Variants in CDKAL1 observed in about 807,000 individuals in gnomAD.
CDKAL1 encodes CDKAL1 threonylcarbamoyladenosine tRNA methylthiotransferase.
In CDKAL1, 32 loss-of-function variants were observed where a neutral mutation model predicts 68.2. The ratio of observed to expected loss-of-function variants is 0.47; its 90% CI spans 0.35 to 0.63. The LOEUF (loss-of-function observed/expected upper bound fraction) is 0.63, where lower values mean the gene tolerates loss of function less well. Ranked by LOEUF, CDKAL1 falls within the 30% of genes least tolerant of loss-of-function variation. The pLI, the probability that CDKAL1 is intolerant of heterozygous loss-of-function variation, is 0.00. For missense variants in CDKAL1, 606 were observed against 696.7 expected, an observed-to-expected ratio of 0.87 and a Z score of 1.47; for synonymous variants, 234 against 244.3, an observed-to-expected ratio of 0.96 and a Z score of 0.39.
intron 11 of CDKAL1, among the ~76,000 whole-genome samples, chr6:21,034,359 T>G (rs1210944112): frequency 6.6e-6 from 1 of 152,196 alleles, no homozygotes. Flanking sequence ...CTGTAACTTT[T>G]ATGAGTTCCA....
Position 20,843,456 on chromosome 6 carries a change from AT to A in CDKAL1, c.639-2609del, listed in dbSNP as rs543410407. On this transcript the variant is annotated intron_variant, in intron 8 of 15. Coordinates refer to ENST00000274695, the MANE Select transcript of CDKAL1 (RefSeq NM_017774.3). ...CAGCATTTCAGATAAGGGATTTTGA[AT>A]TTTTTTTTTCTTCAGTTTTTGTAAT... Among the ~76,000 whole-genome samples the A allele has an allele frequency of 2.9e-3, 440 of 150,066 alleles. 1 individual carries two copies. Among genetic ancestry groups the A allele is most frequent in the Admixed American group, 4.6e-3 (69 of 15,056 alleles).
At chr6:21,153,158 A>G (rs1410209431) in intron 13 of CDKAL1, among the ~76,000 whole-genome samples, 1 of 151,448 alleles carries the variant, frequency 6.6e-6, no homozygotes, top group Non-Finnish European at 1.5e-5. Context: ...GTTTTTTCTA[A>G]TAGTGTTTTG....
intron 5 of CDKAL1, among the ~76,000 whole-genome samples, chr6:20,689,967 T>TC (rs1770797608): frequency 6.6e-6 from 1 of 152,218 alleles, no homozygotes; most frequent in Non-Finnish European, 1.5e-5. Context: ...ATTTTTAAAA[T>TC]CATTTTGCCT....
At chr6:21,122,262 C>T (rs185269748) in intron 13 of CDKAL1, among the ~76,000 whole-genome samples, 158 of 152,284 alleles carry the variant, frequency 1.0e-3, no homozygotes, top group African/African-American at 3.7e-3. Flanking sequence ...ATCACGTGGT[C>T]TTGGACTATT....
intron 8 of CDKAL1, among the ~76,000 whole-genome samples, chr6:20,826,824 A>G (rs1210321153): frequency 6.6e-6 from 1 of 152,144 alleles, no homozygotes; most frequent in Non-Finnish European, 1.5e-5. Context: ...TTTGGTGAGC[A>G]AACTACCAGT....
At chr6:20,553,941 T>A (rs553705635) in intron 4 of CDKAL1, among the ~76,000 whole-genome samples, 2 of 151,584 alleles carry the variant, frequency 1.3e-5, no homozygotes, top group African/African-American at 4.8e-5. Context: ...TGCCTCAGCC[T>A]CCTGAGTAGC....
intron 9 of CDKAL1, among the ~76,000 whole-genome samples, chr6:20,946,304 C>G (rs962118879): frequency 6.6e-6 from 1 of 152,180 alleles, no homozygotes; most frequent in Non-Finnish European, 1.5e-5. Context: ...TGTGTCTTTG[C>G]ACTTATATTC....
intron 5 of CDKAL1, among the ~76,000 whole-genome samples, chr6:20,654,579 T>G (rs1370116455): frequency 6.6e-6 from 1 of 152,216 alleles, no homozygotes; most frequent in East Asian, 1.9e-4. Flanking sequence ...TGGTTTTACC[T>G]TTTACATTTA....
intron 5 of CDKAL1, among the ~76,000 whole-genome samples, chr6:20,668,561 T>G (rs1769660000): frequency 6.6e-6 from 1 of 152,224 alleles, no homozygotes; most frequent in South Asian, 2.1e-4. Context: ...AGTTTTTAAC[T>G]TGTGTCTTGA....
rs573362957 is a variant in CDKAL1 at position 20,623,708 on chromosome 6, G to A, written c.287-25585G>A. Among the ~76,000 whole-genome samples the A allele has an allele frequency of 7.2e-5, 11 of 152,198 alleles. No homozygotes were observed. In the South Asian group the frequency reaches 2.3e-3, roughly 32 times the overall value. ...ATGGTTTCTGAAATAAAGAAAAATA[G>A]CAGTATGCAGTAGACCTTTATTTTA... On this transcript the variant is annotated intron_variant, in intron 4 of 15. Coordinates refer to ENST00000274695, the MANE Select transcript of CDKAL1 (RefSeq NM_017774.3).
intron 5 of CDKAL1, among the ~76,000 whole-genome samples, chr6:20,708,507 C>T (rs1272042235): frequency 1.3e-5 from 2 of 152,162 alleles, no homozygotes; most frequent in African/African-American, 4.8e-5. Flanking sequence ...TTTGGCAAGT[C>T]ACTTGTGGTT....
At chr6:20,975,153 C>G (rs10498699) in intron 10 of CDKAL1, among the ~76,000 whole-genome samples, 14,562 of 152,000 alleles carry the variant, frequency 0.096, 1,192 homozygotes, top group African/African-American at 0.23. Flanking sequence ...GGAAAAATAC[C>G]AAATTAGAGC....
At chr6:20,747,088 T>C (rs902932766) in intron 6 of CDKAL1, among the ~76,000 whole-genome samples, 1 of 152,176 alleles carries the variant, frequency 6.6e-6, no homozygotes, top group Non-Finnish European at 1.5e-5. Flanking sequence ...ATTGAAATCA[T>C]GCATTTTTTT....
intron 13 of CDKAL1, among the ~76,000 whole-genome samples, chr6:21,150,041 T>A (rs1776339430): frequency 6.6e-6 from 1 of 151,978 alleles, no homozygotes; most frequent in Non-Finnish European, 1.5e-5. Context: ...GTATTTTTAG[T>A]AGAGATGGGG....
intron 5 of CDKAL1, among the ~76,000 whole-genome samples, chr6:20,659,586 C>T (rs1431537022): frequency 6.6e-6 from 1 of 152,192 alleles, no homozygotes; most frequent in Non-Finnish European, 1.5e-5. Context: ...CATTTGTCAT[C>T]TCCTTCCACT....
intron 4 of CDKAL1, among the ~76,000 whole-genome samples, chr6:20,620,533 C>T (rs972412030): frequency 6.6e-6 from 1 of 152,170 alleles, no homozygotes; most frequent in African/African-American, 2.4e-5. Context: ...TAATGCCACA[C>T]AGCTAATATA....
intron 5 of CDKAL1, among the ~76,000 whole-genome samples, chr6:20,680,660 T>G (rs1420498291): frequency 6.6e-6 from 1 of 152,196 alleles, no homozygotes; most frequent in South Asian, 2.1e-4. Flanking sequence ...GAATGTTATC[T>G]CCCTCTGTCT....
At chr6:20,557,038 T>TC (rs1764072802) in intron 4 of CDKAL1, among the ~76,000 whole-genome samples, 1 of 38,304 alleles carries the variant, frequency 2.6e-5, no homozygotes. Context: ...CGAGTCTCCA[T>TC]CTCAAAAAAA....
chr6:21,055,596 G>A (rs919703494), intron 11 of CDKAL1, among the ~76,000 whole-genome samples: 1 of 151,994 alleles, frequency 6.6e-6, no homozygotes. Context: ...TGTTCAGCTC[G>A]CACTTATAAG....
Sources: gnomAD v4.1 joint callset for allele counts (sites outside exome capture counted in the v4.1 genomes callset) on GRCh38, gnomAD v4.1.1 for gene constraint, MANE v1.5 for transcripts, NCBI Gene and HGNC (gene_info 2026-07-23, HGNC 2026-07-21) for gene names.